RNF152: variants seen among roughly 807,000 people sequenced by gnomAD.
RNF152 encodes E3 ubiquitin-protein ligase RNF152.
In RNF152, 11 loss-of-function variants were observed where a neutral mutation model predicts 12.7. That is an observed-to-expected ratio of 0.86 (90% CI 0.54 to 1.43). RNF152 has a LOEUF of 1.43. Among genes scored for constraint, RNF152 ranks in the 40% most tolerant of loss-of-function variants. The pLI is 0.00. For synonymous variants in RNF152, 113 were observed against 120.3 expected, an observed-to-expected ratio of 0.94 and a Z score of 0.40; for missense variants, 255 against 274.8, an observed-to-expected ratio of 0.93 and a Z score of 0.51.
At chr18:61,875,819 C>T (rs1426073381) in intron 1 of RNF152, among the ~76,000 whole-genome samples, 1 of 152,130 alleles carries the variant, frequency 6.6e-6, no homozygotes, top group East Asian at 1.9e-4. Flanking sequence ...CCCAAGGGCT[C>T]AGGTCTTCAT....
At position 61,811,446 on chromosome 18, in the gene RNF152, A is replaced by G. The variant is rs991590480; in HGVS notation, c.*4406T>C. The G allele has an allele frequency of 2.6e-5, 4 of 152,344 alleles. No individual in the cohort carries two copies. Among genetic ancestry groups the G allele is most frequent in the East Asian group, 1.9e-4 (1 of 5,194 alleles). 9.4% of individuals were successfully genotyped at this position (152,344 alleles called of 1,614,324 possible). ...CTGTTAAAAAAAGTGCTTTTGTGCA[A>G]AGCTTCAAATCTTCAACTCTTTCAG... On this transcript the variant is annotated 3_prime_UTR_variant, in exon 2 of 2. Transcript: ENST00000312828.
At chr18:61,833,799 A>G (rs1910059022) in intron 1 of RNF152, among the ~76,000 whole-genome samples, 2 of 152,242 alleles carry the variant, frequency 1.3e-5, no homozygotes, top group African/African-American at 4.8e-5. Flanking sequence ...CTTTCTGTCC[A>G]TAGATCTAGA....
intron 1 of RNF152, chr18:61,888,355 G>A (rs539633669): frequency 5.3e-5 from 8 of 152,262 alleles, no homozygotes; most frequent in East Asian, 3.9e-4. Context: ...AAGCACAGAC[G>A]GTTCCCTACT....
chr18:61,850,878 C>A lies in RNF152; in HGVS notation c.-135-34280G>T, dbSNP rs533617899. ...TACACACGTACTCAGGAAGCTCCAT[C>A]CAGGCAGACAGCATGCACCCCTGAA... On this transcript the variant is annotated intron_variant, in intron 1 of 1. Coordinates refer to ENST00000312828, the MANE Select transcript of RNF152 (RefSeq NM_173557.3). 3.3e-5 allele frequency among the ~76,000 whole-genome samples: 5 copies of A among 152,208 alleles called. No individual in the cohort carries two copies. The South Asian group carries it at 1.0e-3, about 32-fold the overall frequency.
intron 1 of RNF152, among the ~76,000 whole-genome samples, chr18:61,840,990 A>T (rs1286909039): frequency 2.6e-5 from 4 of 152,176 alleles, no homozygotes; most frequent in African/African-American, 9.7e-5. Context: ...TGGGTAACAC[A>T]AAACCACATA....
chr18:61,818,950 G>A (rs555599392), intron 1 of RNF152, among the ~76,000 whole-genome samples: 12 of 152,272 alleles, frequency 7.9e-5, no homozygotes, highest in Non-Finnish European at 1.3e-4. Context: ...TAAGGGAGCC[G>A]AAGGAATCAG....
intron 1 of RNF152, among the ~76,000 whole-genome samples, chr18:61,850,756 A>C (rs1044044533): frequency 1.3e-5 from 2 of 152,238 alleles, no homozygotes; most frequent in Non-Finnish European, 2.9e-5. Flanking sequence ...TTTATGGTTT[A>C]TCCAAACCGC....
chr18:61,849,181 G>C (rs1337099997), intron 1 of RNF152, among the ~76,000 whole-genome samples: 1 of 151,978 alleles, frequency 6.6e-6, no homozygotes, highest in African/African-American at 2.4e-5. Context: ...GCCCTGCGGG[G>C]GCTTCACCAG....
At chr18:61,858,841 A>G (rs899771243) in intron 1 of RNF152, among the ~76,000 whole-genome samples, 1 of 152,152 alleles carries the variant, frequency 6.6e-6, no homozygotes, top group African/African-American at 2.4e-5. Flanking sequence ...TATTTTCACA[A>G]AAACAGAGAT....
In RNF152 at chr18:61,815,699, TTGTGTC is replaced by T; in HGVS notation, c.*147_*152del. 1.3e-6 allele frequency: 1 copy of T among 745,268 alleles called. No individual in the cohort carries two copies. Among genetic ancestry groups the T allele is most frequent in the Non-Finnish European group, 2.2e-6 (1 of 452,082 alleles). The allele number at this position is 745,268 out of a possible 1,614,324, so 46.2% of individuals were successfully genotyped here. ...TTGTTGAGACCGCACCTTCTGCCCT[TTGTGTC>T]TGTCTTGGGGTAATCAAGAGGCAAC... is the stretch of plus-strand genomic sequence containing the variant. On this transcript the variant is annotated 3_prime_UTR_variant, in exon 2 of 2. Transcript: ENST00000312828.
chr18:61,872,263 C>T (rs1438795048), intron 1 of RNF152, among the ~76,000 whole-genome samples: 1 of 152,174 alleles, frequency 6.6e-6, no homozygotes, highest in Non-Finnish European at 1.5e-5. Flanking sequence ...AATCACCTTT[C>T]ACCAGGCCCC....
chr18:61,880,752 T>C lies in RNF152; in HGVS notation c.-136+12043A>G, dbSNP rs139744294. On this transcript the variant is annotated intron_variant, in intron 1 of 1. Transcript: ENST00000312828. Reference sequence around the variant, plus strand: ...TTCAATTTGCATCAGGCAAAATGTTTTTAATTATGAAGCCAACACCACCAT... The same window carrying C: ...TTCAATTTGCATCAGGCAAAATGTTCTTAATTATGAAGCCAACACCACCAT... Among the ~76,000 whole-genome samples the C allele has an allele frequency of 5.1e-3, 773 of 152,316 alleles. 6 individuals are homozygous for C. The highest frequency in any genetic ancestry group is 0.018 in the African/African-American group (746 of 41,576).
chr18:61,809,287 T>C lies in RNF152; in HGVS notation c.*6565A>G, dbSNP rs1173694268. ...TGAGGATTTGTAAATGAAATCCTCA[T>C]AGGATTTTCCTAAAGCACAGTGTAA... On this transcript the variant is annotated 3_prime_UTR_variant, in exon 2 of 2. Coordinates refer to ENST00000312828, the MANE Select transcript of RNF152 (RefSeq NM_173557.3). 2 of 152,130 alleles carry C rather than the reference T, an allele frequency of 1.3e-5. No individual in the cohort carries two copies. Among genetic ancestry groups the C allele is most frequent in the Non-Finnish European group, 2.9e-5 (2 of 68,038 alleles). 9.4% of individuals were successfully genotyped at this position (152,130 alleles called of 1,614,324 possible).
At chr18:61,890,079 T>C (rs1330614929) in intron 1 of RNF152, among the ~76,000 whole-genome samples, 1 of 152,192 alleles carries the variant, frequency 6.6e-6, no homozygotes, top group Non-Finnish European at 1.5e-5. Flanking sequence ...ACATTACAGG[T>C]GGGGGTAGGA....
chr18:61,884,219 C>A (rs200330870), intron 1 of RNF152, among the ~76,000 whole-genome samples: 1 of 127,506 alleles, frequency 7.8e-6, no homozygotes, highest in South Asian at 2.6e-4. Flanking sequence ...GTCGGTTCTC[C>A]CCCATTTTGC....
chr18:61,845,808 T>A (rs1910717627), intron 1 of RNF152, among the ~76,000 whole-genome samples: 1 of 152,056 alleles, frequency 6.6e-6, no homozygotes, highest in Non-Finnish European at 1.5e-5. Context: ...ATAAGTCTGT[T>A]CAAAAATGTA....
intron 1 of RNF152, among the ~76,000 whole-genome samples, chr18:61,871,960 A>G (rs1347046395): frequency 1.3e-5 from 2 of 152,206 alleles, no homozygotes; most frequent in Non-Finnish European, 2.9e-5. Context: ...ACATTGCTAT[A>G]AAGAAACACT....
At chr18:61,847,629 G>A (rs966506988) in intron 1 of RNF152, among the ~76,000 whole-genome samples, 3 of 152,186 alleles carry the variant, frequency 2.0e-5, no homozygotes, top group Non-Finnish European at 2.9e-5. Context: ...ATGGTGATAC[G>A]ATTTGAAACT....
chr18:61,818,528 T>G (rs1599259601), intron 1 of RNF152, among the ~76,000 whole-genome samples: 1 of 152,162 alleles, frequency 6.6e-6, no homozygotes, highest in East Asian at 1.9e-4. Context: ...TCAACATACT[T>G]TAAAATACAT....
Sources: allele counts gnomAD v4.1 joint callset (sites outside exome capture counted in the v4.1 genomes callset), GRCh38; gene constraint gnomAD v4.1.1; transcripts MANE v1.5; gene names NCBI Gene and HGNC (gene_info 2026-07-23, HGNC 2026-07-21).